CNTNAP5: variants seen among roughly 807,000 people sequenced by gnomAD.
The protein encoded by CNTNAP5 is contactin-associated protein-like 5.
CNTNAP5 carries 72 observed loss-of-function variants against 150.2 expected under a neutral mutation model. That is an observed-to-expected ratio of 0.48 (90% CI 0.40 to 0.58). CNTNAP5 has a LOEUF of 0.58. CNTNAP5 is among the 20% of genes least tolerant of loss of function. The probability of loss-of-function intolerance (pLI) is 0.00; values close to 1 mark genes in which losing one functional copy is unlikely to be tolerated. For synonymous variants in CNTNAP5, 672 were observed against 619.8 expected (o/e 1.08, Z -1.25); for missense variants, 1,636 against 1,626.2 (o/e 1.01, Z -0.10).
chr2:124,275,726 A>C (rs780049), intron 3 of CNTNAP5, among the ~76,000 whole-genome samples: 121,523 of 152,040 alleles, frequency 0.8, 48,677 homozygotes, highest in South Asian at 0.9. Flanking sequence ...CACATGGCAT[A>C]AGACTTGCTT....
At chr2:124,323,410 C>T (rs991929858) in intron 3 of CNTNAP5, among the ~76,000 whole-genome samples, 7 of 152,194 alleles carry the variant, frequency 4.6e-5, no homozygotes, top group African/African-American at 7.2e-5. Context: ...GTGAGAGAAT[C>T]TTGTGTGCCC....
chr2:124,758,743 C>A (rs1160489949), intron 14 of CNTNAP5, among the ~76,000 whole-genome samples: 1 of 151,646 alleles, frequency 6.6e-6, no homozygotes, highest in African/African-American at 2.4e-5. Flanking sequence ...AGCATGCAAG[C>A]AGAAAGAGTG....
intron 19 of CNTNAP5, among the ~76,000 whole-genome samples, chr2:124,800,632 T>C (rs1186971033): frequency 6.6e-6 from 1 of 152,310 alleles, no homozygotes; most frequent in East Asian, 1.9e-4. Flanking sequence ...ATAATGTGAA[T>C]CTATTTCATT....
intron 1 of CNTNAP5, among the ~76,000 whole-genome samples, chr2:124,056,353 G>A (rs1249454785): frequency 6.6e-6 from 1 of 152,122 alleles, no homozygotes; most frequent in East Asian, 1.9e-4. Context: ...GGCCAGGCAC[G>A]GTGGCTCACG....
intron 2 of CNTNAP5, among the ~76,000 whole-genome samples, chr2:124,228,213 AAAG>A (rs1686516255): frequency 6.6e-6 from 1 of 152,130 alleles, no homozygotes; most frequent in African/African-American, 2.4e-5. Context: ...TCCAGGAAGA[AAAG>A]AAGATGAATA....
chr2:124,789,195 A>C (rs1252919567), intron 17 of CNTNAP5, among the ~76,000 whole-genome samples: 1 of 152,206 alleles, frequency 6.6e-6, no homozygotes, highest in African/African-American at 2.4e-5. Flanking sequence ...GCCAGAAAGG[A>C]CAGTCCCACT....
intron 3 of CNTNAP5, among the ~76,000 whole-genome samples, chr2:124,394,001 A>G (rs946388223): frequency 2.0e-5 from 3 of 152,216 alleles, no homozygotes; most frequent in Non-Finnish European, 4.4e-5. Context: ...TACATTTTAT[A>G]TAAAATATCA....
chr2:124,107,202 T>C (rs2104702114), intron 1 of CNTNAP5, among the ~76,000 whole-genome samples: 1 of 152,272 alleles, frequency 6.6e-6, no homozygotes, highest in Middle Eastern at 3.4e-3. Flanking sequence ...CACTATGCTC[T>C]CAGGGCTGGC....
At chr2:124,271,441 G>T (rs1222242567) in intron 3 of CNTNAP5, among the ~76,000 whole-genome samples, 8 of 152,024 alleles carry the variant, frequency 5.3e-5, no homozygotes, top group Admixed American at 4.6e-4. Flanking sequence ...TAGAAGGCAA[G>T]AGAAAAAGGT....
At chr2:124,333,360 C>G (rs1689395671) in intron 3 of CNTNAP5, among the ~76,000 whole-genome samples, 1 of 152,038 alleles carries the variant, frequency 6.6e-6, no homozygotes, top group African/African-American at 2.4e-5. Context: ...GTAAATGGAG[C>G]AAGTTAAAGA....
intron 7 of CNTNAP5, among the ~76,000 whole-genome samples, chr2:124,501,689 C>T (rs1159413725): frequency 6.6e-6 from 1 of 152,120 alleles, no homozygotes; most frequent in Admixed American, 6.6e-5. Context: ...ATAGGGGTGA[C>T]ACTGATGGCC....
intron 1 of CNTNAP5, among the ~76,000 whole-genome samples, chr2:124,029,407 C>T (rs1030592537): frequency 6.6e-6 from 1 of 151,994 alleles, no homozygotes; most frequent in Non-Finnish European, 1.5e-5. Context: ...TAAAGATTTT[C>T]CTTTTGTTGA....
In CNTNAP5 at chr2:124,431,186, C is replaced by G. The variant is rs148777128; in HGVS notation, c.530-3298C>G. Among the ~76,000 whole-genome samples the G allele has an allele frequency of 1.7e-3, 265 of 152,198 alleles. 1 individual carries two copies. The highest frequency in any genetic ancestry group is 6.1e-3 in the African/African-American group (254 of 41,536). On this transcript the variant is annotated intron_variant, in intron 4 of 23. Transcript: ENST00000682447. ...GAGATGTGTTTTCTTAAGAGATAAC[C>G]TATGTCCCTTTGCCATCAACATTTG...
chr2:124,413,332 A>T (rs1573977721), intron 3 of CNTNAP5, among the ~76,000 whole-genome samples: 1 of 151,418 alleles, frequency 6.6e-6, no homozygotes, highest in Non-Finnish European at 1.5e-5. Context: ...GCGATTCCTC[A>T]GGGATCTAGA....
chr2:124,336,724 A>C (rs1197982579), intron 3 of CNTNAP5, among the ~76,000 whole-genome samples: 3 of 151,996 alleles, frequency 2.0e-5, no homozygotes, highest in African/African-American at 7.2e-5. Flanking sequence ...TTATGGCTGC[A>C]TAGTATTCCA....
chr2:124,758,455 G>T (rs536391543), intron 14 of CNTNAP5, among the ~76,000 whole-genome samples: 2 of 151,568 alleles, frequency 1.3e-5, no homozygotes, highest in South Asian at 2.1e-4. Flanking sequence ...GTGTCTGTGT[G>T]TCTGTGTGTA....
intron 3 of CNTNAP5, among the ~76,000 whole-genome samples, chr2:124,321,306 G>C (rs1438093925): frequency 6.6e-6 from 1 of 152,028 alleles, no homozygotes; most frequent in Admixed American, 6.5e-5. Flanking sequence ...AGTCGGGTGT[G>C]GTGGCACATA....
intron 13 of CNTNAP5, among the ~76,000 whole-genome samples, chr2:124,707,336 A>C (rs1679712556): frequency 6.6e-6 from 1 of 152,112 alleles, no homozygotes; most frequent in Non-Finnish European, 1.5e-5. Flanking sequence ...TCCTTCAAAA[A>C]TTTCCATTAG....
chr2:124,738,333 G>T (rs1258333295), intron 13 of CNTNAP5, among the ~76,000 whole-genome samples: 1 of 152,252 alleles, frequency 6.6e-6, no homozygotes, highest in Admixed American at 6.5e-5. Context: ...ATGCTGAGTT[G>T]TTCCTTTATT....
Sources: gnomAD v4.1 joint callset for allele counts (sites outside exome capture counted in the v4.1 genomes callset) on GRCh38, gnomAD v4.1.1 for gene constraint, MANE v1.5 for transcripts, NCBI Gene and HGNC (gene_info 2026-07-23, HGNC 2026-07-21) for gene names.